Variants in WSCD1 observed in about 807,000 individuals in gnomAD.
WSCD1 encodes the protein WSC domain sialate O sulfotransferase 1.
WSCD1 carries 41 observed loss-of-function variants against 60.4 expected under a neutral mutation model. The ratio of observed to expected loss-of-function variants is 0.68; its 90% CI spans 0.53 to 0.88. WSCD1 has a LOEUF of 0.88. WSCD1 is among the 40% of genes least tolerant of loss of function. WSCD1 has a pLI of 0.00. For synonymous variants in WSCD1, 361 were observed against 332.5 expected (o/e 1.09, Z -0.93); for missense variants, 784 against 796.2 (o/e 0.98, Z 0.18).
At chr17:6,100,410 T>G (rs1351105642) in intron 5 of WSCD1, among the ~76,000 whole-genome samples, 2 of 152,244 alleles carry the variant, frequency 1.3e-5, no homozygotes, top group African/African-American at 4.8e-5. Context: ...GCCCTGGATG[T>G]CATGCCTTTA....
chr17:6,074,756 C>G (rs1429258007), intron 1 of WSCD1, among the ~76,000 whole-genome samples: 2 of 152,260 alleles, frequency 1.3e-5, no homozygotes, highest in Non-Finnish European at 2.9e-5. Context: ...TGCTTGACGC[C>G]TCTCTCGCTA....
At chr17:6,085,849 C>G (rs775940288) in intron 2 of WSCD1, among the ~76,000 whole-genome samples, 8 of 152,070 alleles carry the variant, frequency 5.3e-5, no homozygotes, top group Non-Finnish European at 1.0e-4. Flanking sequence ...TCTCACTGAC[C>G]CGGGTGAAAG....
In WSCD1 at chr17:6,101,054, T is replaced by A; in HGVS notation, c.849+5831T>A. On this transcript the variant is annotated intron_variant, in intron 5 of 8. Coordinates refer to ENST00000317744, the MANE Select transcript of WSCD1 (RefSeq NM_015253.2). This position sits in a 1 kb window ranked among gnomAD's most constrained non-coding sequence, Gnocchi z 4.1. ...ATGGTATCCTCTCTTCCCTCCTGAA[T>A]GTTGAGGGTGGCGAGAGAGGTGAAT... 6.6e-6 allele frequency among the ~76,000 whole-genome samples: 1 copy of A among 152,116 alleles called. No individual in the cohort carries two copies. Among genetic ancestry groups the A allele is most frequent in the East Asian group, 1.9e-4 (1 of 5,184 alleles).
chr17:6,114,726 A>G (rs1911602915), intron 7 of WSCD1, among the ~76,000 whole-genome samples: 1 of 151,962 alleles, frequency 6.6e-6, no homozygotes, highest in Non-Finnish European at 1.5e-5. Context: ...CAGAATGTGC[A>G]GGTTTGTTAC....
intron 1 of WSCD1, among the ~76,000 whole-genome samples, chr17:6,079,926 CT>C (rs1158031676): frequency 6.6e-6 from 1 of 152,194 alleles, no homozygotes; most frequent in Non-Finnish European, 1.5e-5. Context: ...AATATGCCTT[CT>C]TTTGCCAGTT....
rs1245601116 is a variant in WSCD1 at position 6,118,825 on chromosome 17, C to T, written c.1375+637C>T. Among the ~76,000 whole-genome samples, 2 of 152,344 alleles carry T rather than the reference C, an allele frequency of 1.3e-5. No homozygotes were observed. The highest frequency in any genetic ancestry group is 3.9e-4 in the East Asian group (2 of 5,184). ...TTGGTGGTGAGCAGCAGAGCTGGGA[C>T]TCACACCCAATGTCTTAGTCAGCTC... On this transcript the variant is annotated intron_variant, in intron 8 of 8. Coordinates refer to ENST00000317744, the MANE Select transcript of WSCD1 (RefSeq NM_015253.2). This position sits in a 1 kb window ranked among gnomAD's most constrained non-coding sequence, Gnocchi z 5.8.
chr17:6,088,926 G>A (rs1030826930), intron 3 of WSCD1, among the ~76,000 whole-genome samples: 1 of 152,066 alleles, frequency 6.6e-6, no homozygotes, highest in Non-Finnish European at 1.5e-5. Context: ...GGGACTACAG[G>A]CGCCCACCAC....
intron 3 of WSCD1, among the ~76,000 whole-genome samples, chr17:6,089,702 G>A (rs901918918): frequency 5.3e-5 from 8 of 152,178 alleles, no homozygotes; most frequent in Admixed American, 6.5e-5. Flanking sequence ...TTGGCAAACA[G>A]TACAAACCAG....
At chr17:6,098,798 G>A (rs1037633789) in intron 5 of WSCD1, among the ~76,000 whole-genome samples, 36 of 152,320 alleles carry the variant, frequency 2.4e-4, no homozygotes, top group African/African-American at 7.7e-4. Context: ...TTGGCAAAAC[G>A]CAAATGCTGA....
chr17:6,095,466 G>A (rs1030593731), intron 5 of WSCD1, among the ~76,000 whole-genome samples: 1 of 152,226 alleles, frequency 6.6e-6, no homozygotes, highest in Non-Finnish European at 1.5e-5. Context: ...AAAGCCGAAA[G>A]GAGAGTGCCT....
At chr17:6,096,876 C>T (rs1910470941) in intron 5 of WSCD1, among the ~76,000 whole-genome samples, 1 of 152,226 alleles carries the variant, frequency 6.6e-6, no homozygotes, top group Admixed American at 6.5e-5. Flanking sequence ...GGCAGGCCTG[C>T]CTTGAGCAAC....
At position 6,123,471 on chromosome 17, in the gene WSCD1, G is replaced by A. The variant is rs1359908036; in HGVS notation, c.*2810G>A. On this transcript the variant is annotated 3_prime_UTR_variant, in exon 9 of 9. Coordinates refer to ENST00000317744, the MANE Select transcript of WSCD1 (RefSeq NM_015253.2). ...CTTAATTATGTGAACATCTTATAAT[G>A]AAGTCTCTTGCAGCTAAAATTAGAT... The A allele has an allele frequency of 6.6e-6, 1 of 152,174 alleles. No homozygotes were observed. The highest frequency in any genetic ancestry group is 1.5e-5 in the Non-Finnish European group (1 of 68,028). 9.4% of individuals were successfully genotyped at this position (152,174 alleles called of 1,614,324 possible). A position where few individuals can be genotyped will look rare whatever the true frequency, so the allele number is the denominator to read the frequency against.
intron 4 of WSCD1, among the ~76,000 whole-genome samples, chr17:6,092,000 C>CAA (rs1323089881): frequency 4.6e-5 from 7 of 151,966 alleles, no homozygotes; most frequent in Non-Finnish European, 1.0e-4. Flanking sequence ...ACTAAAAATA[C>CAA]AAAATTTGCC....
At chr17:6,100,293 A>G (rs1359339947) in intron 5 of WSCD1, among the ~76,000 whole-genome samples, 1 of 152,332 alleles carries the variant, frequency 6.6e-6, no homozygotes, top group East Asian at 1.9e-4. Context: ...CTTCTGGGAT[A>G]CAGCATTTCT....
intron 1 of WSCD1, among the ~76,000 whole-genome samples, chr17:6,077,715 C>T (rs1416661436): frequency 1.3e-5 from 2 of 152,222 alleles, no homozygotes; most frequent in South Asian, 2.1e-4. Context: ...AAAGTCTATA[C>T]GGAATTCACC....
chr17:6,107,338 T>TA (rs1205779620), intron 5 of WSCD1, among the ~76,000 whole-genome samples: 2 of 151,866 alleles, frequency 1.3e-5, no homozygotes, highest in African/African-American at 4.8e-5. Flanking sequence ...CCATCTCTAC[T>TA]AAAAATACAA....
Position 6,120,570 on chromosome 17 carries a change from A to G in WSCD1, c.1637A>G (p.Lys546Arg), listed in dbSNP as rs1184361611. 6.2e-7 allele frequency: 1 copy of G among 1,613,644 alleles called. No individual in the cohort carries two copies. The highest frequency in any genetic ancestry group is 8.5e-7 in the Non-Finnish European group (1 of 1,180,002). ...CCTGAGCCCTTCACCCCGGAGATGA[A>G]AGACTTGATCAATGGCTACATCCGG... ...HDPEPFTPEM[K>R]DLINGYIRTV... Residue 546 changes from lysine to arginine, a missense_variant, in exon 9 of 9, where the codon AAA becomes AGA. Physicochemically the swap from Lys to Arg is conservative, Grantham distance 26 (BLOSUM62 2). Transcript: ENST00000317744.
At position 6,080,681 on chromosome 17, in the gene WSCD1, T is replaced by C. The variant is rs199969111; in HGVS notation, c.23T>C (p.Leu8Pro). 1,483 of 1,613,604 alleles carry C rather than the reference T, an allele frequency of 9.2e-4. 10 individuals are homozygous for C. Among genetic ancestry groups the C allele is most frequent in the South Asian group, 6.6e-3 (603 of 91,050 alleles). The change falls in exon 2 of 9, where the codon CTC becomes CCC. Residue 8 changes from leucine (L) to proline (P), a missense_variant. Transcript: ENST00000317744. The surrounding 1 kb of genome is among the most constrained non-coding windows in gnomAD (Gnocchi z 6.6). The part of the protein sequence containing the change: MAKPFFR[L>P]QKFLRRTQFL... The stretch of plus-strand genomic sequence containing the variant: ...GGCATGGCCAAACCTTTCTTCCGAC[T>C]CCAGAAGTTTCTCCGCCGAACACAG...
At chr17:6,105,470 A>G (rs901788749) in intron 5 of WSCD1, among the ~76,000 whole-genome samples, 3 of 152,186 alleles carry the variant, frequency 2.0e-5, no homozygotes, top group Non-Finnish European at 2.9e-5. Flanking sequence ...AAGTTGGCAG[A>G]GAGATAAGAT....
Sources: gnomAD v4.1 joint callset for allele counts (sites outside exome capture counted in the v4.1 genomes callset) on GRCh38, gnomAD v4.1.1 for gene constraint, Gnocchi (gnomAD v3.1) non-coding constraint, MANE v1.5 for transcripts, NCBI Gene and HGNC (gene_info 2026-07-23, HGNC 2026-07-21) for gene names.